The following FCHSD2 variants were observed in gnomAD, a reference collection of about 807,000 sequenced individuals.
The protein encoded by FCHSD2 is F-BAR and double SH3 domains protein 2.
Under a neutral mutation model 108.1 loss-of-function variants are expected in FCHSD2, and 38 were observed. The observed-to-expected ratio is 0.35, with a 90% CI of 0.27 to 0.46. The LOEUF (loss-of-function observed/expected upper bound fraction) is 0.46, where lower values mean the gene tolerates loss of function less well. Ranked by LOEUF, FCHSD2 falls within the 20% of genes least tolerant of loss-of-function variation. The pLI is 1.00. For synonymous variants in FCHSD2, 279 were observed against 314.7 expected, an observed-to-expected ratio of 0.89 and a Z score of 1.20; for missense variants, 751 against 897.8, an observed-to-expected ratio of 0.84 and a Z score of 2.09.
intron 16 of FCHSD2, 50 bp from the exon 17 acceptor site, chr11:72,842,891 G>T: frequency 6.8e-7 from 1 of 1,461,342 alleles, no homozygotes; most frequent in Non-Finnish European, 9.5e-7. Context: ...ACAGCCGGTT[G>T]CTTTTGCAAC....
At chr11:72,995,177 G>A (rs1037586659) in intron 5 of FCHSD2, among the ~76,000 whole-genome samples, 7 of 151,960 alleles carry the variant, frequency 4.6e-5, no homozygotes, top group Admixed American at 6.6e-5. Flanking sequence ...TTTTATCGCC[G>A]AATAGTATTT....
At chr11:72,962,270 G>A (rs988391363) in intron 8 of FCHSD2, among the ~76,000 whole-genome samples, 1 of 152,174 alleles carries the variant, frequency 6.6e-6, no homozygotes, top group Non-Finnish European at 1.5e-5. Context: ...GTTTTCTAGA[G>A]GCTGAATAAC....
At chr11:72,922,097 T>C (rs1163584782) in intron 8 of FCHSD2, 147 bp from the exon 9 acceptor site, 4 of 589,446 alleles carry the variant, frequency 6.8e-6, no homozygotes, top group African/African-American at 5.6e-5. Context: ...TAAGTAAATA[T>C]GAACAGTTAA....
intron 8 of FCHSD2, among the ~76,000 whole-genome samples, chr11:72,973,622 G>A (rs149664177): frequency 6.6e-6 from 1 of 152,334 alleles, no homozygotes; most frequent in African/African-American, 2.4e-5. Context: ...TGTTTTGGGA[G>A]GGGTCACCTG....
chr11:73,094,765 T>C (rs1226403720), intron 2 of FCHSD2, among the ~76,000 whole-genome samples: 2 of 152,200 alleles, frequency 1.3e-5, no homozygotes, highest in Non-Finnish European at 2.9e-5. Flanking sequence ...TAAAGAAATA[T>C]CTTAATTTTG....
rs546866893 is a variant in FCHSD2, at chr11:73,141,739, C to A, written c.21+118G>T. On this transcript the variant is annotated intron_variant, in intron 1 of 19. Transcript: ENST00000409418. ...GAGCCGGCGGCAAGTCGGTGACAAG[C>A]CCAAGACGAGGGCGGTCACGGCCCC... The A allele has an allele frequency of 3.5e-6, 4 of 1,147,890 alleles. No individual in the cohort carries two copies. The South Asian group carries it at 5.8e-5, about 17-fold the overall frequency. 71.1% of individuals were successfully genotyped at this position (1,147,890 alleles called of 1,614,324 possible).
intron 8 of FCHSD2, chr11:72,940,614 T>TC (rs1268293189): frequency 1.4e-6 from 2 of 1,443,882 alleles, no homozygotes; most frequent in African/African-American, 1.4e-5. Flanking sequence ...TCCACAGGGC[T>TC]CCCCGCCCCA....
At chr11:72,923,179 T>C (rs1226094085) in intron 8 of FCHSD2, among the ~76,000 whole-genome samples, 1 of 152,204 alleles carries the variant, frequency 6.6e-6, no homozygotes, top group Non-Finnish European at 1.5e-5. Context: ...TCAGGTGATA[T>C]AAATTTGCCT....
At chr11:72,981,321 C>T (rs925640253) in intron 8 of FCHSD2, among the ~76,000 whole-genome samples, 8 of 152,136 alleles carry the variant, frequency 5.3e-5, no homozygotes, top group Admixed American at 1.3e-4. Flanking sequence ...AAAGTAAGTT[C>T]GAGAACATAT....
intron 3 of FCHSD2, among the ~76,000 whole-genome samples, chr11:73,038,076 A>G (rs976938584): frequency 6.6e-6 from 1 of 152,236 alleles, no homozygotes; most frequent in African/African-American, 2.4e-5. Context: ...AATATTAAAA[A>G]CAAAACCATC....
chr11:72,978,856 T>TTC lies in FCHSD2; in HGVS notation c.705+5231_705+5232insGA, dbSNP rs1591452093. On this transcript the variant is annotated intron_variant, in intron 8 of 19. Transcript: ENST00000409418. The stretch of plus-strand genomic sequence containing the variant: ...TACCCAGTCTCAGGTAGCTCTTTCT[T>TTC]TTTTTTTTTTTTTTTTTTGAGATGA... Among the ~76,000 whole-genome samples the TTC allele has an allele frequency of 1.2e-4, 17 of 141,234 alleles. No homozygotes were observed. The South Asian group carries it at 3.6e-3, about 30-fold the overall frequency. The allele number at this position is 141,234 out of a possible 152,430, so 92.7% of individuals were successfully genotyped here. A position where few individuals can be genotyped will look rare whatever the true frequency, so the allele number is the denominator to read the frequency against.
intron 9 of FCHSD2, among the ~76,000 whole-genome samples, chr11:72,904,488 C>T (rs961601478): frequency 1.3e-5 from 2 of 152,148 alleles, no homozygotes; most frequent in African/African-American, 4.8e-5. Flanking sequence ...CAAAACATCC[C>T]CTTATGGCCA....
chr11:72,890,669 T>C (rs1359243437), intron 10 of FCHSD2, among the ~76,000 whole-genome samples: 2 of 151,880 alleles, frequency 1.3e-5, no homozygotes, highest in East Asian at 1.9e-4. Context: ...GTGCTTCATA[T>C]AACTTTTTTT....
chr11:73,056,948 T>C (rs913954187), intron 3 of FCHSD2, among the ~76,000 whole-genome samples: 2 of 152,008 alleles, frequency 1.3e-5, no homozygotes, highest in Non-Finnish European at 2.9e-5. Context: ...CCGGGCATGG[T>C]GGCAGGCGCC....
chr11:73,122,409 G>C (rs1216544467), intron 2 of FCHSD2, among the ~76,000 whole-genome samples: 1 of 152,130 alleles, frequency 6.6e-6, no homozygotes, highest in Admixed American at 6.6e-5. Flanking sequence ...CAGGAAAGCA[G>C]GTATACAGGC....
chr11:73,027,100 G>C (rs886664185), intron 3 of FCHSD2, among the ~76,000 whole-genome samples: 3 of 152,194 alleles, frequency 2.0e-5, no homozygotes, highest in Admixed American at 2.0e-4. Context: ...AAGTGACCTT[G>C]GAACTGGGTA....
At chr11:73,135,074 G>C (rs955096599) in intron 2 of FCHSD2, among the ~76,000 whole-genome samples, 1 of 152,106 alleles carries the variant, frequency 6.6e-6, no homozygotes, top group Non-Finnish European at 1.5e-5. Context: ...GGCTGGTCTC[G>C]AACTCCTGAC....
At chr11:72,912,996 T>C (rs531131571) in intron 9 of FCHSD2, among the ~76,000 whole-genome samples, 3 of 152,208 alleles carry the variant, frequency 2.0e-5, no homozygotes, top group East Asian at 1.9e-4. Flanking sequence ...CTTACAATCA[T>C]GGCAGAAGGC....
intron 8 of FCHSD2, among the ~76,000 whole-genome samples, chr11:72,960,653 A>T (rs903244149): frequency 3.9e-5 from 6 of 152,206 alleles, no homozygotes; most frequent in Non-Finnish European, 7.3e-5. Context: ...ATTCCTTTAA[A>T]GTTACAAAGA....
Sources: allele counts gnomAD v4.1 joint callset (sites outside exome capture counted in the v4.1 genomes callset), GRCh38; gene constraint gnomAD v4.1.1; transcripts MANE v1.5; gene names NCBI Gene and HGNC (gene_info 2026-07-23, HGNC 2026-07-21).